Variants in PDZRN4 observed in about 807,000 individuals in gnomAD.
PDZRN4 encodes the protein PDZ domain-containing RING finger protein 4.
A neutral mutation model predicts 99.0 loss-of-function variants in PDZRN4; 70 were observed. The observed-to-expected ratio is 0.71, with a 90% CI of 0.58 to 0.86. The LOEUF is 0.86. Among genes scored for constraint, PDZRN4 ranks in the 40% least tolerant of loss-of-function variants. The probability of loss-of-function intolerance (pLI) is 0.00; values close to 1 mark genes in which losing one functional copy is unlikely to be tolerated. For synonymous variants in PDZRN4, 551 were observed against 501.6 expected (o/e 1.10, Z -1.32); for missense variants, 1,474 against 1,331.2 (o/e 1.11, Z -1.67).
At chr12:41,375,865 G>A (rs1207649474) in intron 3 of PDZRN4, among the ~76,000 whole-genome samples, 1 of 152,020 alleles carries the variant, frequency 6.6e-6, no homozygotes, top group African/African-American at 2.4e-5. Flanking sequence ...GCTCCCCAGA[G>A]CTTCTGCTTA....
intron 3 of PDZRN4, among the ~76,000 whole-genome samples, chr12:41,452,283 A>T (rs1342442790): frequency 1.3e-5 from 2 of 151,630 alleles, no homozygotes; most frequent in Non-Finnish European, 2.9e-5. Context: ...ACAAAAAAAA[A>T]AAAAAATTAG....
chr12:41,457,625 G>T (rs1452687032), intron 3 of PDZRN4, among the ~76,000 whole-genome samples: 6 of 152,048 alleles, frequency 3.9e-5, no homozygotes, highest in African/African-American at 1.4e-4. Flanking sequence ...ATTTTCTAGG[G>T]GACCAAGATC....
chr12:41,197,914 T>C (rs929690485), intron 3 of PDZRN4, among the ~76,000 whole-genome samples: 7 of 116,102 alleles, frequency 6.0e-5, no homozygotes, highest in African/African-American at 1.9e-4. Flanking sequence ...TCCTTGTTTT[T>C]TCTGGGTTTT....
chr12:41,395,484 CAT>C (rs1396748465), intron 3 of PDZRN4, among the ~76,000 whole-genome samples: 2 of 152,244 alleles, frequency 1.3e-5, no homozygotes, highest in African/African-American at 4.8e-5. Context: ...AAAGTTTGCA[CAT>C]GTTTACCGCT....
At chr12:41,349,041 T>A (rs1951873796) in intron 3 of PDZRN4, among the ~76,000 whole-genome samples, 1 of 152,028 alleles carries the variant, frequency 6.6e-6, no homozygotes, top group African/African-American at 2.4e-5. Flanking sequence ...TTATTTATGT[T>A]AGCCTGTTAA....
At chr12:41,521,023 A>C (rs1938484984) in intron 5 of PDZRN4, among the ~76,000 whole-genome samples, 1 of 152,138 alleles carries the variant, frequency 6.6e-6, no homozygotes, top group Admixed American at 6.6e-5. Context: ...GATGCAAGCT[A>C]TTATAGAAGT....
At chr12:41,243,388 G>C (rs967985185) in intron 3 of PDZRN4, among the ~76,000 whole-genome samples, 28 of 152,252 alleles carry the variant, frequency 1.8e-4, no homozygotes, top group African/African-American at 6.5e-4. Flanking sequence ...AAATTAATAA[G>C]TTCAGTCAGT....
At chr12:41,254,375 A>G (rs1397781410) in intron 3 of PDZRN4, among the ~76,000 whole-genome samples, 1 of 152,208 alleles carries the variant, frequency 6.6e-6, no homozygotes, top group African/African-American at 2.4e-5. Context: ...ACTCAAAGTC[A>G]CATGGCTAAT....
In PDZRN4 at chr12:41,312,172, A is replaced by T. The variant is rs186616139; in HGVS notation, c.843+117984A>T. Among the ~76,000 whole-genome samples, 131 of 151,974 alleles carry T rather than the reference A, an allele frequency of 8.6e-4. 2 individuals are homozygous for T. The highest frequency in any genetic ancestry group is 2.9e-3 in the African/African-American group (119 of 41,458). ...CCATTTTGTCCAAAATGTCTTCATG[A>T]TCATTATATTTCATTTAGGGTTTCT... is the stretch of plus-strand genomic sequence containing the variant. On this transcript the variant is annotated intron_variant, in intron 3 of 9. Transcript: ENST00000402685.
At chr12:41,458,194 G>C (rs1952834037) in intron 3 of PDZRN4, among the ~76,000 whole-genome samples, 1 of 152,156 alleles carries the variant, frequency 6.6e-6, no homozygotes, top group African/African-American at 2.4e-5. Flanking sequence ...TTTCGCTCTT[G>C]TTGCCCAAGC....
chr12:41,293,321 A>G (rs1027646039), intron 3 of PDZRN4, among the ~76,000 whole-genome samples: 1 of 150,624 alleles, frequency 6.6e-6, no homozygotes, highest in African/African-American at 2.4e-5. Context: ...ATGGACACAC[A>G]TGTAGCATCG....
chr12:41,567,762 T>G, intron 8 of PDZRN4, 21 bp from the exon 9 acceptor site: 1 of 1,467,764 alleles, frequency 6.8e-7, no homozygotes, highest in Non-Finnish European at 9.5e-7. Flanking sequence ...TAATATAATG[T>G]ACTAATGTAT....
intron 3 of PDZRN4, among the ~76,000 whole-genome samples, chr12:41,339,144 G>T (rs1234115808): frequency 3.4e-5 from 5 of 148,390 alleles, no homozygotes; most frequent in Non-Finnish European, 4.5e-5. Flanking sequence ...AAAACAAAAT[G>T]GGAGGAATCA....
intron 3 of PDZRN4, among the ~76,000 whole-genome samples, chr12:41,209,361 T>C (rs1591968605): frequency 6.6e-6 from 1 of 151,928 alleles, no homozygotes; most frequent in Non-Finnish European, 1.5e-5. Flanking sequence ...TATTTTTTAT[T>C]ATACTTTAAG....
chr12:41,188,990 T>C lies in PDZRN4; in HGVS notation c.535T>C (p.Trp179Arg). 6.5e-7 allele frequency: 1 copy of C among 1,533,302 alleles called. No individual in the cohort carries two copies. Among genetic ancestry groups the C allele is most frequent in the Non-Finnish European group, 8.7e-7 (1 of 1,146,414 alleles). The allele number at this position is 1,533,302 out of a possible 1,614,324, so 95.0% of individuals were successfully genotyped here. A position where few individuals can be genotyped will look rare whatever the true frequency, so the allele number is the denominator to read the frequency against. Residue 179 changes from tryptophan (W) to arginine (R), a missense_variant, in exon 1 of 10, where the codon TGG becomes CGG. By Grantham distance (101) the Trp-to-Arg change is moderately radical. Coordinates refer to ENST00000402685, the MANE Select transcript of PDZRN4 (RefSeq NM_001164595.2). The stretch of plus-strand genomic sequence containing the variant: ...CGAGAAGGCGCTGCTGGCGCAGCTC[T>C]GGGCGCTGCAGGGCGAGGTGCAGCT... ...RREKALLAQL[W>R]ALQGEVQLTA...
chr12:41,360,508 A>T (rs1018438336), intron 3 of PDZRN4, among the ~76,000 whole-genome samples: 2 of 152,040 alleles, frequency 1.3e-5, no homozygotes, highest in African/African-American at 2.4e-5. Context: ...ACTTTTAAAA[A>T]TACCACAAGT....
intron 3 of PDZRN4, among the ~76,000 whole-genome samples, chr12:41,295,320 T>C (rs1189187549): frequency 6.6e-6 from 1 of 152,148 alleles, no homozygotes; most frequent in Non-Finnish European, 1.5e-5. Flanking sequence ...AGTTCCCATA[T>C]TGTCATCAAA....
At chr12:41,458,718 G>T (rs1334911088) in intron 3 of PDZRN4, among the ~76,000 whole-genome samples, 1 of 152,086 alleles carries the variant, frequency 6.6e-6, no homozygotes, top group Admixed American at 6.6e-5. Context: ...TGGTGGGACT[G>T]AGAAGGGTGG....
rs772466858 is a variant in PDZRN4, at chr12:41,573,669, A to G, written c.2890A>G (p.Met964Val). ...GCAGCGCCGTCGCCGTGAGTTCATGATGCGAAGCAGGTTAGAGTGTCTCAA... is the reference window on the plus strand; with the variant it reads ...GCAGCGCCGTCGCCGTGAGTTCATGGTGCGAAGCAGGTTAGAGTGTCTCAA... ...KEQRRRREFMMRSRLECLKES... is the reference protein window; with the variant it reads ...KEQRRRREFMVRSRLECLKES... The change falls in exon 10 of 10, where the codon ATG becomes GTG. Residue 964 changes from methionine (M) to valine (V), a missense_variant. Coordinates refer to ENST00000402685, the MANE Select transcript of PDZRN4 (RefSeq NM_001164595.2). 4.3e-6 allele frequency: 7 copies of G among 1,614,062 alleles called. No homozygotes were observed. The highest frequency in any genetic ancestry group is 5.1e-6 in the Non-Finnish European group (6 of 1,180,004).
Sources: allele counts gnomAD v4.1 joint callset (sites outside exome capture counted in the v4.1 genomes callset), GRCh38; gene constraint gnomAD v4.1.1; transcripts MANE v1.5; gene names NCBI Gene and HGNC (gene_info 2026-07-23, HGNC 2026-07-21).